The following MSR1 variants were observed in gnomAD, a reference collection of about 807,000 sequenced individuals.
The protein encoded by MSR1 is macrophage scavenger receptor types I and II.
In MSR1, 53 loss-of-function variants were observed where a neutral mutation model predicts 47.2. The observed-to-expected ratio is 1.12, with a 90% CI of 0.90 to 1.41. MSR1 has a LOEUF of 1.41. Among genes scored for constraint, MSR1 ranks in the 40% most tolerant of loss-of-function variants. The pLI, the probability that MSR1 is intolerant of heterozygous loss-of-function variation, is 0.00. For missense variants in MSR1, 786 were observed against 546.9 expected (o/e 1.44, Z -4.36); for synonymous variants, 239 against 185.6 (o/e 1.29, Z -2.34).
chr8:16,130,244 C>T (rs1800224964), intron 8 of MSR1, among the ~76,000 whole-genome samples: 1 of 152,144 alleles, frequency 6.6e-6, no homozygotes, highest in African/African-American at 2.4e-5. Flanking sequence ...TTGCACTTCA[C>T]AGATCCTGCA....
intron 1 of MSR1, among the ~76,000 whole-genome samples, chr8:16,183,339 T>C (rs928773528): frequency 1.3e-5 from 2 of 151,848 alleles, no homozygotes; most frequent in Non-Finnish European, 2.9e-5. Flanking sequence ...CACTCTGAAC[T>C]CTGAACGAGT....
At chr8:16,166,763 G>C (rs370346184) in intron 4 of MSR1, among the ~76,000 whole-genome samples, 6 of 152,134 alleles carry the variant, frequency 3.9e-5, no homozygotes, top group African/African-American at 1.4e-4. Context: ...GTGTGTCCTT[G>C]ATAAGTGTTA....
intron 8 of MSR1, among the ~76,000 whole-genome samples, chr8:16,125,756 T>A (rs1800114127): frequency 6.6e-6 from 1 of 152,054 alleles, no homozygotes; most frequent in Non-Finnish European, 1.5e-5. Context: ...ATTGTATTTC[T>A]TTTAAAAATT....
intron 5 of MSR1, among the ~76,000 whole-genome samples, chr8:16,157,378 T>C (rs1044409938): frequency 4.6e-5 from 7 of 151,880 alleles, no homozygotes; most frequent in Non-Finnish European, 1.0e-4. Flanking sequence ...TTTTACAAAA[T>C]TTGGAGTTAA....
intron 1 of MSR1, among the ~76,000 whole-genome samples, chr8:16,188,548 G>T (rs1007634507): frequency 7.2e-5 from 11 of 151,850 alleles, no homozygotes; most frequent in Admixed American, 2.0e-4. Flanking sequence ...GAACGTGCAG[G>T]TTTGCTACAT....
intron 8 of MSR1, among the ~76,000 whole-genome samples, chr8:16,138,177 A>C (rs1184710404): frequency 6.6e-6 from 1 of 152,164 alleles, no homozygotes; most frequent in Non-Finnish European, 1.5e-5. Context: ...CTCAAAATTC[A>C]CATCCTAGTT....
chr8:16,121,567 A>T (rs1272970566), intron 8 of MSR1, among the ~76,000 whole-genome samples: 1 of 152,004 alleles, frequency 6.6e-6, no homozygotes, highest in Admixed American at 6.5e-5. Flanking sequence ...GTATTTGTTT[A>T]GAAAATTATT....
intron 9 of MSR1, among the ~76,000 whole-genome samples, chr8:16,110,595 C>T (rs546747662): frequency 1.6e-3 from 249 of 152,014 alleles, no homozygotes; most frequent in Non-Finnish European, 3.1e-3. Flanking sequence ...ATGATCCAAG[C>T]GTATCTGTAT....
chr8:16,189,402 A>G (rs1267678341), intron 1 of MSR1, among the ~76,000 whole-genome samples: 1 of 96,954 alleles, frequency 1.0e-5, no homozygotes, highest in Non-Finnish European at 1.7e-5. Context: ...TTTTATATAT[A>G]TTTTATATAT....
intron 5 of MSR1, among the ~76,000 whole-genome samples, chr8:16,161,017 G>C (rs1016096584): frequency 6.7e-6 from 1 of 149,998 alleles, no homozygotes; most frequent in Non-Finnish European, 1.5e-5. Flanking sequence ...AATTTGTGTG[G>C]GTTTTCTTAA....
rs1799712677 is a variant in MSR1, at chr8:16,109,719, C to T, written c.*366G>A. On this transcript the variant is annotated 3_prime_UTR_variant, in exon 10 of 10. Coordinates refer to ENST00000262101, the MANE Select transcript of MSR1 (RefSeq NM_138715.3). ...AAATCAACTAAATAGATTACAAAGACAAGAAGAGCAAAAAATTGTAATCTC... is the reference window on the plus strand; with the variant it reads ...AAATCAACTAAATAGATTACAAAGATAAGAAGAGCAAAAAATTGTAATCTC... 4.4e-6 allele frequency: 1 copy of T among 225,892 alleles called. No homozygotes were observed. The highest frequency in any genetic ancestry group is 5.2e-5 in the Admixed American group (1 of 19,234). 14.0% of individuals were successfully genotyped at this position (225,892 alleles called of 1,614,324 possible). A position where few individuals can be genotyped will look rare whatever the true frequency, so the allele number is the denominator to read the frequency against.
chr8:16,188,992 ATATAT>A (rs1802084288), intron 1 of MSR1, among the ~76,000 whole-genome samples: 2 of 143,290 alleles, frequency 1.4e-5, no homozygotes, highest in African/African-American at 5.1e-5. Flanking sequence ...ATATATATAT[ATATAT>A]AAAACAACAT....
At chr8:16,111,260 A>C (rs939626998) in intron 9 of MSR1, among the ~76,000 whole-genome samples, 4 of 152,218 alleles carry the variant, frequency 2.6e-5, no homozygotes, top group African/African-American at 9.6e-5. Flanking sequence ...ATGTTAATAC[A>C]GGAGGAAGCC....
rs1585176740 is a variant in MSR1 at position 16,164,216 on chromosome 8, T to C, written c.666A>G (p.Val222=). Residue 222 remains valine, a synonymous_variant, in exon 5 of 10, where the codon GTA becomes GTG. Coordinates refer to ENST00000262101, the MANE Select transcript of MSR1 (RefSeq NM_138715.3). ...CTTTCATAGCCATAATTTCTGCTGA[T>C]ACATTGTAAACACGCTCCTCTAATT... ...ISKLEERVYN[V]SAEIMAMKEE... is the part of the protein sequence containing the mutation. 6.2e-7 allele frequency: 1 copy of C among 1,612,360 alleles called. No homozygotes were observed. The highest frequency in any genetic ancestry group is 8.5e-7 in the Non-Finnish European group (1 of 1,179,090).
intron 8 of MSR1, among the ~76,000 whole-genome samples, chr8:16,125,567 T>A (rs1307613763): frequency 6.6e-6 from 1 of 152,110 alleles, no homozygotes; most frequent in African/African-American, 2.4e-5. Flanking sequence ...GACAATGAGT[T>A]AGCTAGTTTC....
intron 8 of MSR1, chr8:16,141,209 C>A: frequency 1.4e-6 from 1 of 722,790 alleles, no homozygotes; most frequent in Non-Finnish European, 2.3e-6. Flanking sequence ...TAAATTGGTA[C>A]AAGCTTTTAG....
At chr8:16,155,398 T>C (rs1369501794) in intron 5 of MSR1, among the ~76,000 whole-genome samples, 1 of 152,026 alleles carries the variant, frequency 6.6e-6, no homozygotes, top group Non-Finnish European at 1.5e-5. Flanking sequence ...TGCCTAACAC[T>C]TTTCTATGTT....
chr8:16,139,446 T>A (rs1184583285), intron 8 of MSR1: 1 of 974,330 alleles, frequency 1.0e-6, no homozygotes, highest in Non-Finnish European at 1.2e-6. Context: ...ATAAAAATGC[T>A]GAGATACACA....
chr8:16,138,365 A>G (rs1218739645), intron 8 of MSR1, among the ~76,000 whole-genome samples: 1 of 152,182 alleles, frequency 6.6e-6, no homozygotes, highest in African/African-American at 2.4e-5. Flanking sequence ...ACGATTCACT[A>G]TGACTAGCGT....
Sources: allele counts gnomAD v4.1 joint callset (sites outside exome capture counted in the v4.1 genomes callset), GRCh38; gene constraint gnomAD v4.1.1; transcripts MANE v1.5; gene names NCBI Gene and HGNC (gene_info 2026-07-23, HGNC 2026-07-21).